Variants in PTPRA observed in about 807,000 individuals in gnomAD.
PTPRA encodes protein tyrosine phosphatase receptor type A.
PTPRA carries 25 observed loss-of-function variants against 104.8 expected under a neutral mutation model. That is an observed-to-expected ratio of 0.24 (90% CI 0.17 to 0.33). PTPRA has a LOEUF of 0.33. Among genes scored for constraint, PTPRA ranks in the 10% least tolerant of loss-of-function variants. PTPRA has a pLI of 1.00. For missense variants in PTPRA, 765 were observed against 1,015.3 expected, an observed-to-expected ratio of 0.75 and a Z score of 3.35; for synonymous variants, 323 against 368.9, an observed-to-expected ratio of 0.88 and a Z score of 1.43.
At chr20:2,864,384 C>T in the PTPRA span, 3 of 1,614,142 alleles carry the variant, frequency 1.9e-6, no homozygotes, top group Non-Finnish European at 2.5e-6. This position sits in a 1 kb window ranked among gnomAD's most constrained non-coding sequence, Gnocchi z 5.2. Context: ...TGTTGCTGCA[C>T]CTGAAGAACG....
At chr20:2,990,919 T>C (rs1420874141) in intron 9 of PTPRA, among the ~76,000 whole-genome samples, 1 of 151,892 alleles carries the variant, frequency 6.6e-6, no homozygotes, top group East Asian at 1.9e-4. Flanking sequence ...CTAACTACAA[T>C]ATAGAGAATA....
At chr20:2,968,977 G>A (rs2062048082) in intron 5 of PTPRA, among the ~76,000 whole-genome samples, 1 of 152,118 alleles carries the variant, frequency 6.6e-6, no homozygotes, top group South Asian at 2.1e-4. Flanking sequence ...GGAGGCCAAG[G>A]CAGGTGGATC....
chr20:3,021,983 C>T lies in PTPRA; in HGVS notation c.1162-71C>T, dbSNP rs1218575327. 4 of 1,568,924 alleles carry T rather than the reference C, an allele frequency of 2.5e-6. No homozygotes were observed. The East Asian group carries it at 9.0e-5, about 35-fold the overall frequency. ...CATTGTCACTGACAACCACAGCTGT[C>T]ACCTTCCCTCCCCTGGTACTGCCCA... is the stretch of plus-strand genomic sequence containing the variant. On this transcript the variant is annotated intron_variant, in intron 14 of 23. Coordinates refer to ENST00000399903, the MANE Select transcript of PTPRA (RefSeq NM_001385305.1).
Position 3,037,952 on chromosome 20 carries a change from G to A in PTPRA, c.2335-107G>A. ...TCAGGTGAAAGTTCAAAAACATTCAGTTCCTCTTGATTTTCCATCTTCAAC... is the reference window on the plus strand; with the variant it reads ...TCAGGTGAAAGTTCAAAAACATTCAATTCCTCTTGATTTTCCATCTTCAAC... On this transcript the variant is annotated intron_variant, in intron 23 of 23. Transcript: ENST00000399903. The surrounding 1 kb of genome is among the most constrained non-coding windows in gnomAD (Gnocchi z 4.3). The A allele has an allele frequency of 1.0e-6, 1 of 964,686 alleles. No individual in the cohort carries two copies. Among genetic ancestry groups the A allele is most frequent in the Non-Finnish European group, 1.6e-6 (1 of 615,208 alleles). 59.8% of individuals were successfully genotyped at this position (964,686 alleles called of 1,614,324 possible).
At chr20:3,024,379 A>G (rs1341414472) in intron 16 of PTPRA, 93 bp from the exon 17 acceptor site, 7 of 1,297,894 alleles carry the variant, frequency 5.4e-6, no homozygotes. Context: ...CAAAGGAGAA[A>G]TGGACTGGAG....
intron 2 of PTPRA, among the ~76,000 whole-genome samples, chr20:2,947,653 TTCG>T (rs1265974571): frequency 2.6e-5 from 4 of 152,172 alleles, no homozygotes; most frequent in South Asian, 4.1e-4. Flanking sequence ...CATGGACTCT[TTCG>T]TAGAGTGCAC....
intron 10 of PTPRA, among the ~76,000 whole-genome samples, chr20:3,006,897 T>C (rs945489275): frequency 6.6e-6 from 1 of 152,188 alleles, no homozygotes; most frequent in Non-Finnish European, 1.5e-5. Context: ...CCTGAAGTGC[T>C]AGGATTATAG....
intron 1 of PTPRA, among the ~76,000 whole-genome samples, chr20:2,906,547 A>C (rs2059433936): frequency 1.3e-5 from 2 of 152,246 alleles, no homozygotes; most frequent in Admixed American, 1.3e-4. Flanking sequence ...GATTAAATTC[A>C]AAATAATAAA....
At chr20:3,030,186 G>T (rs936904219) in intron 20 of PTPRA, among the ~76,000 whole-genome samples, 1 of 152,202 alleles carries the variant, frequency 6.6e-6, no homozygotes, top group Non-Finnish European at 1.5e-5. Context: ...TCAGATGCAG[G>T]CTCTTCCATC....
intron 11 of PTPRA, among the ~76,000 whole-genome samples, chr20:3,007,820 G>T (rs2063945228): frequency 2.1e-5 from 2 of 95,112 alleles, no homozygotes; most frequent in East Asian, 5.1e-4. Context: ...ATATGTGTGT[G>T]TGTGTGTCTG....
Position 2,976,231 on chromosome 20 carries a change from T to C in PTPRA, c.442+990T>C, listed in dbSNP as rs538738957. 3.2e-4 allele frequency among the ~76,000 whole-genome samples: 48 copies of C among 152,356 alleles called. 1 individual carries two copies. In the South Asian group the frequency reaches 9.5e-3, roughly 30 times the overall value. ...TTGGATTAATACAGTGTCTTTGCTG[T>C]TCAGATTCACTTGCCAGATTTTATC... On this transcript the variant is annotated intron_variant, in intron 6 of 23. Transcript: ENST00000399903.
chr20:3,032,764 C>CAA (rs937740792), intron 20 of PTPRA, among the ~76,000 whole-genome samples: 3 of 99,314 alleles, frequency 3.0e-5, no homozygotes, highest in Admixed American at 2.2e-4. Flanking sequence ...GACTCCATCT[C>CAA]AAAAAAAAAA....
chr20:2,923,339 C>T, intron 2 of PTPRA, 54 bp downstream of exon 2: 3 of 1,203,950 alleles, frequency 2.5e-6, no homozygotes, highest in Non-Finnish European at 3.2e-6. Context: ...CAAGTAGTGT[C>T]CTTAAATAAA....
intron 9 of PTPRA, among the ~76,000 whole-genome samples, chr20:2,994,104 C>T (rs1015250198): frequency 3.9e-5 from 6 of 152,216 alleles, no homozygotes; most frequent in Non-Finnish European, 7.3e-5. Flanking sequence ...AAGGCCAGGA[C>T]CTAGCAGACC....
At chr20:2,959,051 G>A (rs1243498575) in intron 3 of PTPRA, among the ~76,000 whole-genome samples, 1 of 152,128 alleles carries the variant, frequency 6.6e-6, no homozygotes, top group African/African-American at 2.4e-5. Context: ...GGGTCGGGAA[G>A]TCACAGGAGT....
In PTPRA at chr20:2,880,328, C is replaced by T. The variant is rs1453571184; in HGVS notation, c.-129+6568C>T. Among the ~76,000 whole-genome samples the T allele has an allele frequency of 2.0e-5, 3 of 152,158 alleles. 1 individual carries two copies. In the East Asian group the frequency reaches 5.8e-4, roughly 29 times the overall value. ...ATTTAGGAATTGTCTCTGGCATCTT[C>T]TTGGGTCTATAGGTCAAACAGTTAA... is the stretch of plus-strand genomic sequence containing the variant. On this transcript the variant is annotated intron_variant, in intron 1 of 23. Transcript: ENST00000399903.
intron 6 of PTPRA, among the ~76,000 whole-genome samples, chr20:2,979,349 T>C (rs1349436688): frequency 2.0e-5 from 3 of 152,224 alleles, no homozygotes; most frequent in African/African-American, 7.2e-5. Context: ...GGTTTCTTCT[T>C]TGGACTCTCC....
rs562994930 is a variant in PTPRA, at chr20:3,026,368, C to G, written c.1615-319C>G. Among the ~76,000 whole-genome samples, 7 of 152,222 alleles carry G rather than the reference C, an allele frequency of 4.6e-5. No individual in the cohort carries two copies. In the East Asian group the frequency reaches 1.4e-3, roughly 29 times the overall value. The stretch of plus-strand genomic sequence containing the variant: ...ATTCTGAATAAGTTTTTTTGAAGAG[C>G]CTTAGGCAGCCTCTGGGGGTGGAAC... On this transcript the variant is annotated intron_variant, in intron 17 of 23. Coordinates refer to ENST00000399903, the MANE Select transcript of PTPRA (RefSeq NM_001385305.1).
At position 3,035,641 on chromosome 20, in the gene PTPRA, A is replaced by G. The variant is rs547298852; in HGVS notation, c.1977A>G (p.Thr659=). 27 of 1,614,016 alleles carry G rather than the reference A, an allele frequency of 1.7e-5. 1 individual carries two copies. The South Asian group carries it at 2.9e-4, about 17-fold the overall frequency. The part of the protein sequence containing the change: ...SDGLVSYGDI[T]VELKKEEECE... ...GACTGGTGTCCTATGGAGATATTACAGTGGAACTGAAGAAGGAGGAGGAAT... is the reference window on the plus strand; with the variant it reads ...GACTGGTGTCCTATGGAGATATTACGGTGGAACTGAAGAAGGAGGAGGAAT... Residue 659 remains threonine, a synonymous_variant, in exon 21 of 24, where the codon ACA becomes ACG. Coordinates refer to ENST00000399903, the MANE Select transcript of PTPRA (RefSeq NM_001385305.1). The surrounding 1 kb of genome is among the most constrained non-coding windows in gnomAD (Gnocchi z 5.8).
Sources: allele counts gnomAD v4.1 joint callset (sites outside exome capture counted in the v4.1 genomes callset), GRCh38; gene constraint gnomAD v4.1.1; non-coding constraint Gnocchi (gnomAD v3.1); transcripts MANE v1.5; gene names NCBI Gene and HGNC (gene_info 2026-07-23, HGNC 2026-07-21).